Variants in ALK observed in about 807,000 individuals in gnomAD.
ALK encodes the protein ALK tyrosine kinase receptor.
In ALK, 74 loss-of-function variants were observed where a neutral mutation model predicts 163.1. The observed-to-expected ratio is 0.45, with a 90% CI of 0.38 to 0.55. The LOEUF (loss-of-function observed/expected upper bound fraction) is 0.55. ALK is among the 20% of genes least tolerant of loss of function. The pLI is 0.00. For missense variants in ALK, 2,063 were observed against 2,105.3 expected, an observed-to-expected ratio of 0.98 and a Z score of 0.39; for synonymous variants, 960 against 843.2, an observed-to-expected ratio of 1.14 and a Z score of -2.40.
Position 29,765,898 on chromosome 2 carries a change from T to C in ALK, c.668-48201A>G, listed in dbSNP as rs1212491658. On this transcript the variant is annotated intron_variant, in intron 1 of 28. Coordinates refer to ENST00000389048, the MANE Select transcript of ALK (RefSeq NM_004304.5). ...GCTACCAACATGATATCACTGAACA[T>C]GGACTTGGAAAGAGATGCTAGCAAA... Among the ~76,000 whole-genome samples the C allele has an allele frequency of 3.3e-5, 5 of 152,196 alleles. No individual in the cohort carries two copies. The South Asian group carries it at 6.2e-4, about 19-fold the overall frequency.
chr2:29,876,321 ATGG>A (rs1265867908), intron 1 of ALK, among the ~76,000 whole-genome samples: 10 of 148,834 alleles, frequency 6.7e-5, no homozygotes, highest in Admixed American at 1.3e-4. Flanking sequence ...GGTGATGGTG[ATGG>A]TGGTGGTGGT....
chr2:29,655,282 G>A (rs536418713), intron 3 of ALK, among the ~76,000 whole-genome samples: 2 of 152,180 alleles, frequency 1.3e-5, no homozygotes, highest in East Asian at 1.9e-4. Flanking sequence ...ACAAACTAAG[G>A]ATCTAGAGAA....
intron 4 of ALK, among the ~76,000 whole-genome samples, chr2:29,389,943 T>G (rs1669122789): frequency 6.6e-6 from 1 of 152,194 alleles, no homozygotes; most frequent in Non-Finnish European, 1.5e-5. Context: ...TACCATCTGT[T>G]GCATAAATGT....
At chr2:29,872,259 A>T (rs1034944226) in intron 1 of ALK, among the ~76,000 whole-genome samples, 2 of 152,200 alleles carry the variant, frequency 1.3e-5, no homozygotes, top group Non-Finnish European at 2.9e-5. Flanking sequence ...AGGGGAGGGG[A>T]TGCAGCTGAA....
At chr2:29,868,125 G>T (rs1262408381) in intron 1 of ALK, among the ~76,000 whole-genome samples, 1 of 152,204 alleles carries the variant, frequency 6.6e-6, no homozygotes, top group Non-Finnish European at 1.5e-5. Context: ...AAAGGCTGTA[G>T]AGTTGGAGCT....
At chr2:29,749,495 T>A (rs1296662212) in intron 1 of ALK, among the ~76,000 whole-genome samples, 2 of 152,048 alleles carry the variant, frequency 1.3e-5, no homozygotes, top group Non-Finnish European at 2.9e-5. Flanking sequence ...AAATAAATAT[T>A]CTTAGGACCC....
chr2:29,721,051 G>T lies in ALK; in HGVS notation c.668-3354C>A, dbSNP rs545277198. ...GCCCAAGTGAGGCAGACAAGTGAAGGCCTGAAGAGAAAGGAGGAAGAAATA... is the reference window on the plus strand; with the variant it reads ...GCCCAAGTGAGGCAGACAAGTGAAGTCCTGAAGAGAAAGGAGGAAGAAATA... On this transcript the variant is annotated intron_variant, in intron 1 of 28. Transcript: ENST00000389048. 1.3e-4 allele frequency among the ~76,000 whole-genome samples: 20 copies of T among 152,310 alleles called. No homozygotes were observed. The South Asian group carries it at 4.1e-3, about 32-fold the overall frequency.
chr2:29,231,126 T>TCC (rs1374511074), intron 15 of ALK, among the ~76,000 whole-genome samples: 1 of 151,778 alleles, frequency 6.6e-6, no homozygotes, highest in Non-Finnish European at 1.5e-5. Flanking sequence ...TCACCTGAGG[T>TCC]CAGGAGATTG....
intron 2 of ALK, among the ~76,000 whole-genome samples, chr2:29,710,792 T>C (rs1679072065): frequency 6.6e-6 from 1 of 152,132 alleles, no homozygotes; most frequent in African/African-American, 2.4e-5. Flanking sequence ...ATTACAGGCG[T>C]GAGCAACTGT....
intron 5 of ALK, among the ~76,000 whole-genome samples, chr2:29,378,769 G>C (rs1404981013): frequency 6.7e-6 from 1 of 149,722 alleles, no homozygotes; most frequent in Admixed American, 6.7e-5. Flanking sequence ...AGGCTGGAGT[G>C]CAGTGGTGCC....
chr2:29,203,775 C>T (rs865985840), intron 26 of ALK, among the ~76,000 whole-genome samples: 26 of 151,892 alleles, frequency 1.7e-4, no homozygotes, highest in Non-Finnish European at 3.8e-4. Context: ...TGAGCCACTG[C>T]GCCCGGCCGA....
chr2:29,253,885 TAG>T (rs1664887829), intron 11 of ALK, among the ~76,000 whole-genome samples: 1 of 142,186 alleles, frequency 7.0e-6, no homozygotes, highest in Non-Finnish European at 1.5e-5. Context: ...GATAGATAGA[TAG>T]ATAGATAGGT....
rs1480343730 is a variant in ALK, at chr2:29,420,047, C to T, written c.1155-36188G>A. ...GATGGCCCACCTGTAGTCCCAGCTA[C>T]TCAGGAGGCTGAGGCAGGAGGATCG... is the stretch of plus-strand genomic sequence containing the variant. On this transcript the variant is annotated intron_variant, in intron 4 of 28. Transcript: ENST00000389048. 2.0e-5 allele frequency among the ~76,000 whole-genome samples: 3 copies of T among 150,318 alleles called. 1 individual carries two copies. Among genetic ancestry groups the T allele is most frequent in the African/African-American group, 7.5e-5 (3 of 40,084 alleles).
chr2:29,898,579 G>C (rs2148429286), intron 1 of ALK, among the ~76,000 whole-genome samples: 1 of 152,280 alleles, frequency 6.6e-6, no homozygotes, highest in Non-Finnish European at 1.5e-5. Flanking sequence ...TTAACTTCAA[G>C]TTCAATTAAC....
chr2:29,827,534 G>C (rs1665236620), intron 1 of ALK, among the ~76,000 whole-genome samples: 1 of 152,160 alleles, frequency 6.6e-6, no homozygotes. Flanking sequence ...AATCTGTTTA[G>C]TGAGCTTTGT....
At position 29,227,595 on chromosome 2, in the gene ALK, G is replaced by A. The variant is rs1458969615; in HGVS notation, c.2893C>T (p.Leu965=). 3 of 1,613,956 alleles carry A rather than the reference G, an allele frequency of 1.9e-6. No individual in the cohort carries two copies. Among genetic ancestry groups the A allele is most frequent in the Non-Finnish European group, 2.5e-6 (3 of 1,179,978 alleles). Residue 965 remains leucine, a synonymous_variant, in exon 17 of 29, where the codon CTG becomes TTG. Transcript: ENST00000389048. The surrounding 1 kb of genome is among the most constrained non-coding windows in gnomAD (Gnocchi z 4.4). ...CTACCTTTTAAAGCTGGGGTGTACA[G>A]GATGCCCAGTGGACTGATGAAGGAA... is the stretch of plus-strand genomic sequence containing the variant. ...GVSFISPLGI[L]YTPALKVMEG... is the part of the protein sequence containing the mutation.
At chr2:29,902,226 A>G (rs565357306) in intron 1 of ALK, among the ~76,000 whole-genome samples, 27 of 152,122 alleles carry the variant, frequency 1.8e-4, no homozygotes, top group African/African-American at 2.4e-4. Flanking sequence ...TTCCTCCCCA[A>G]TGTTTTTTCT....
intron 1 of ALK, among the ~76,000 whole-genome samples, chr2:29,919,322 CT>C (rs747450053): frequency 3.3e-5 from 5 of 151,838 alleles, no homozygotes; most frequent in Non-Finnish European, 7.4e-5. Flanking sequence ...GACAACTTTC[CT>C]TCCTTCCTCC....
At chr2:29,703,319 G>A (rs529097706) in intron 2 of ALK, among the ~76,000 whole-genome samples, 22 of 152,250 alleles carry the variant, frequency 1.4e-4, no homozygotes, top group African/African-American at 3.4e-4. Context: ...CCAATCAGTC[G>A]TACAATCTTT....
Sources: gnomAD v4.1 joint callset for allele counts (sites outside exome capture counted in the v4.1 genomes callset) on GRCh38, gnomAD v4.1.1 for gene constraint, Gnocchi (gnomAD v3.1) non-coding constraint, MANE v1.5 for transcripts, NCBI Gene and HGNC (gene_info 2026-07-23, HGNC 2026-07-21) for gene names.